The following RFT1 variants were observed in gnomAD, a reference collection of about 807,000 sequenced individuals.
RFT1 encodes the protein man(5)GlcNAc(2)-PP-dolichol translocation protein RFT1.
RFT1 carries 43 observed loss-of-function variants against 62.2 expected under a neutral mutation model. That is an observed-to-expected ratio of 0.69 (90% CI 0.54 to 0.89). RFT1 has a LOEUF of 0.89. RFT1 is among the 40% of genes least tolerant of loss of function. The probability of loss-of-function intolerance (pLI) is 0.00; values close to 1 mark genes in which losing one functional copy is unlikely to be tolerated. For missense variants in RFT1, 605 were observed against 649.9 expected, an observed-to-expected ratio of 0.93 and a Z score of 0.75; for synonymous variants, 262 against 264.6, an observed-to-expected ratio of 0.99 and a Z score of 0.10.
chr3:53,082,229 C>A, the RFT1 span, among the ~76,000 whole-genome samples: 1 of 152,290 alleles, frequency 6.6e-6, no homozygotes, highest in African/African-American at 2.4e-5. Context: ...GTAATTCTAG[C>A]ACTTTGGGAG....
At chr3:53,123,951 T>A in intron 2 of RFT1, 111 bp from the exon 3 acceptor site, 1 of 852,840 alleles carries the variant, frequency 1.2e-6, no homozygotes, top group African/African-American at 1.7e-5. Context: ...AAACCACTGG[T>A]GGTGATGTGG....
chr3:53,076,929 G>GCAAC, the RFT1 span, among the ~76,000 whole-genome samples: 1 of 150,846 alleles, frequency 6.6e-6, no homozygotes, highest in Non-Finnish European at 1.5e-5. Flanking sequence ...CTCAGCCTGG[G>GCAAC]CAACAGAGGG....
At chr3:53,067,639 T>C in the RFT1 span, among the ~76,000 whole-genome samples, 1 of 152,198 alleles carries the variant, frequency 6.6e-6, no homozygotes, top group African/African-American at 2.4e-5. Context: ...GTGTACCGAA[T>C]GTAAGTTACT....
chr3:53,067,636 G>A, the RFT1 span, among the ~76,000 whole-genome samples: 1 of 152,298 alleles, frequency 6.6e-6, no homozygotes, highest in South Asian at 2.1e-4. Context: ...GTAGTGTACC[G>A]AATGTAAGTT....
the RFT1 span, among the ~76,000 whole-genome samples, chr3:53,080,527 G>A: frequency 6.6e-6 from 1 of 152,204 alleles, no homozygotes; most frequent in Non-Finnish European, 1.5e-5. Flanking sequence ...CCACCACCAC[G>A]TGCACTTCTG....
the RFT1 span, among the ~76,000 whole-genome samples, chr3:53,076,541 G>A: frequency 6.6e-6 from 1 of 152,188 alleles, no homozygotes; most frequent in Non-Finnish European, 1.5e-5. Context: ...TTTGCGTAGC[G>A]TTAAACATGT....
chr3:53,130,242 T>C, intron 1 of RFT1, 96 bp downstream of exon 1: 4 of 1,258,448 alleles, frequency 3.2e-6, no homozygotes, highest in Middle Eastern at 2.4e-4. Context: ...ACCTCGGGAC[T>C]GGGTCGGCCC....
chr3:53,103,819 A>C (rs1321812723), intron 10 of RFT1, 134 bp downstream of exon 10: 1 of 1,132,338 alleles, frequency 8.8e-7, no homozygotes, highest in Non-Finnish European at 1.3e-6. Flanking sequence ...GAACAGTCCC[A>C]CAGCCCCTGC....
chr3:53,094,351 GCACACACACACACACACA>G (rs55637878), intron 11 of RFT1, among the ~76,000 whole-genome samples: 2 of 149,804 alleles, frequency 1.3e-5, no homozygotes, highest in African/African-American at 4.9e-5. Flanking sequence ...AATACTACAC[GCACACACACACACACACA>G]CACACACACA....
intron 1 of RFT1, among the ~76,000 whole-genome samples, chr3:53,126,247 A>G (rs1212072848): frequency 6.6e-6 from 1 of 152,212 alleles, no homozygotes; most frequent in Non-Finnish European, 1.5e-5. Context: ...TAATTTATTA[A>G]TAACAACCAA....
At chr3:53,102,677 G>C (rs1285845442) in intron 10 of RFT1, among the ~76,000 whole-genome samples, 1 of 152,220 alleles carries the variant, frequency 6.6e-6, no homozygotes, top group Non-Finnish European at 1.5e-5. Flanking sequence ...ACAAAAGCCT[G>C]TCCGTGCTGT....
chr3:53,070,977 C>T, the RFT1 span, among the ~76,000 whole-genome samples: 8 of 151,932 alleles, frequency 5.3e-5, no homozygotes, highest in Admixed American at 5.2e-4. Flanking sequence ...ATGATCCGCC[C>T]ACTTTGGCCT....
intron 10 of RFT1, among the ~76,000 whole-genome samples, chr3:53,101,881 T>C (rs1010881469): frequency 2.0e-5 from 3 of 151,996 alleles, no homozygotes; most frequent in African/African-American, 7.3e-5. Flanking sequence ...CTACTAAATA[T>C]ACAAAAACTT....
chr3:53,097,839 G>C (rs1701186871), intron 11 of RFT1, among the ~76,000 whole-genome samples: 1 of 152,216 alleles, frequency 6.6e-6, no homozygotes, highest in Non-Finnish European at 1.5e-5. Flanking sequence ...AATTGAAATA[G>C]ACTTTTTCAT....
Position 53,095,050 on chromosome 3 carries a change from G to A in RFT1, c.1209-2432C>T, listed in dbSNP as rs568842552. 4.9e-4 allele frequency among the ~76,000 whole-genome samples: 73 copies of A among 149,102 alleles called. 2 individuals are homozygous for A. In the South Asian group the frequency reaches 0.015, roughly 30 times the overall value. Reference sequence around the variant, plus strand: ...TGGGAGGCCGAGGCGGGTAGATCGCGAGGTCAAGAGATCGAGACCGTCCTG... The same window carrying A: ...TGGGAGGCCGAGGCGGGTAGATCGCAAGGTCAAGAGATCGAGACCGTCCTG... On this transcript the variant is annotated intron_variant, in intron 11 of 12. Coordinates refer to ENST00000296292, the MANE Select transcript of RFT1 (RefSeq NM_052859.4).
the RFT1 span, among the ~76,000 whole-genome samples, chr3:53,069,877 C>T: frequency 3.3e-5 from 5 of 152,220 alleles, no homozygotes; most frequent in Non-Finnish European, 7.3e-5. Context: ...CATATATGCA[C>T]AGCCTAGTGG....
chr3:53,092,301 G>A, intron 12 of RFT1, 68 bp downstream of exon 12: 1 of 1,562,196 alleles, frequency 6.4e-7, no homozygotes, highest in Middle Eastern at 2.1e-4. Flanking sequence ...CTGGGAAGAG[G>A]AGGCCTAGCG....
intron 11 of RFT1, among the ~76,000 whole-genome samples, chr3:53,095,167 G>A (rs13320044): frequency 0.16 from 23,583 of 151,918 alleles, 2,590 homozygotes; most frequent in African/African-American, 0.31. Context: ...TCAGGAGGCT[G>A]AGGCAGAATT....
chr3:53,128,006 TAAAA>T (rs976540596), intron 1 of RFT1, among the ~76,000 whole-genome samples: 4 of 149,386 alleles, frequency 2.7e-5, no homozygotes, highest in Non-Finnish European at 6.0e-5. Flanking sequence ...ATATGGTTAT[TAAAA>T]AAAAAATCCG....
Sources: gnomAD v4.1 joint callset for allele counts (sites outside exome capture counted in the v4.1 genomes callset) on GRCh38, gnomAD v4.1.1 for gene constraint, MANE v1.5 for transcripts, NCBI Gene and HGNC (gene_info 2026-07-23, HGNC 2026-07-21) for gene names.